The following ATP2A2 variants were observed in gnomAD, a reference collection of about 807,000 sequenced individuals.
ATP2A2 encodes ATPase sarcoplasmic/endoplasmic reticulum Ca2+ transporting 2, also known as sarcoplasmic/endoplasmic reticulum calcium ATPase 2.
ATP2A2 carries 14 observed loss-of-function variants against 109.3 expected under a neutral mutation model. That is an observed-to-expected ratio of 0.13 (90% CI 0.08 to 0.20). The LOEUF (loss-of-function observed/expected upper bound fraction) is 0.20, where lower values mean the gene tolerates loss of function less well. ATP2A2 is among the 10% of genes least tolerant of loss of function. ATP2A2 has a pLI of 1.00. For synonymous variants in ATP2A2, 506 were observed against 490.9 expected (o/e 1.03, Z -0.41); for missense variants, 657 against 1,321.6 (o/e 0.50, Z 7.80).
At chr12:110,282,045 GC>G (rs1399027836) in intron 1 of ATP2A2, 138 bp downstream of exon 1, 16 of 597,556 alleles carry the variant, frequency 2.7e-5, no homozygotes, top group Non-Finnish European at 4.3e-5. Flanking sequence ...CAGCGCGCCG[GC>G]CCCGCGGGAG....
chr12:110,349,939 C>G lies in ATP2A2; in HGVS notation c.*3469C>G. On this transcript the variant is annotated 3_prime_UTR_variant, in exon 20 of 20. Transcript: ENST00000539276. ...GTGCTGCTACTGGCTGCTCACTTCT[C>G]CATCAACCTCACCCTCTGCACCACT... 8.5e-7 allele frequency: 1 copy of G among 1,179,880 alleles called. No individual in the cohort carries two copies. Among genetic ancestry groups the G allele is most frequent in the Non-Finnish European group, 1.1e-6 (1 of 946,000 alleles). The allele number at this position is 1,179,880 out of a possible 1,614,324, so 73.1% of individuals were successfully genotyped here. A position where few individuals can be genotyped will look rare whatever the true frequency, so the allele number is the denominator to read the frequency against.
At chr12:110,335,768 C>T (rs1306065501) in intron 11 of ATP2A2, among the ~76,000 whole-genome samples, 2 of 152,186 alleles carry the variant, frequency 1.3e-5, no homozygotes, top group Non-Finnish European at 2.9e-5. Context: ...GTGATGCTCT[C>T]AGAGCAGCCA....
Position 110,339,797 on chromosome 12 carries a change from G to A in ATP2A2, c.1761+76G>A. ...TTAAACAGTACTCCTTCAAGCAAAAGGTCAAACAGTTCTCACTTTTGCCAA... is the reference window on the plus strand; with the variant it reads ...TTAAACAGTACTCCTTCAAGCAAAAAGTCAAACAGTTCTCACTTTTGCCAA... On this transcript the variant is annotated intron_variant, in intron 13 of 19. Coordinates refer to ENST00000539276, the MANE Select transcript of ATP2A2 (RefSeq NM_170665.4). The surrounding 1 kb of genome is among the most constrained non-coding windows in gnomAD (Gnocchi z 4.4). The A allele has an allele frequency of 6.8e-7, 1 of 1,473,008 alleles. No homozygotes were observed. The highest frequency in any genetic ancestry group is 1.2e-5 in the South Asian group (1 of 85,402). 91.2% of individuals were successfully genotyped at this position (1,473,008 alleles called of 1,614,324 possible). A position where few individuals can be genotyped will look rare whatever the true frequency, so the allele number is the denominator to read the frequency against.
chr12:110,281,645 C>G lies in ATP2A2; in HGVS notation c.-145C>G. 1 of 458,020 alleles carries G rather than the reference C, an allele frequency of 2.2e-6. No homozygotes were observed. 28.4% of individuals were successfully genotyped at this position (458,020 alleles called of 1,614,324 possible). A position where few individuals can be genotyped will look rare whatever the true frequency, so the allele number is the denominator to read the frequency against. On this transcript the variant is annotated 5_prime_UTR_variant, in exon 1 of 20. Transcript: ENST00000539276. Reference sequence around the variant, plus strand: ...GGGCGCGGGGTGATTCAGCGCCCGGCGAGGCGGAAGCGGCCGCAAGAGGAG... The same window carrying G: ...GGGCGCGGGGTGATTCAGCGCCCGGGGAGGCGGAAGCGGCCGCAAGAGGAG...
At chr12:110,285,272 G>A (rs1872550580) in intron 3 of ATP2A2, among the ~76,000 whole-genome samples, 1 of 152,096 alleles carries the variant, frequency 6.6e-6, no homozygotes, top group Non-Finnish European at 1.5e-5. Context: ...ACGGTCACTT[G>A]GATTGAAAGA....
rs1221928553 is a variant in ATP2A2, at chr12:110,343,383, A to G, written c.2470A>G (p.Lys824Glu). Residue 824 changes from lysine (K) to glutamate (E), a missense_variant, in exon 16 of 20, where the codon AAG becomes GAG. Transcript: ENST00000539276. Reference sequence around the variant, plus strand: ...CATGAATAAACCTCCCCGGAACCCAAAGGAACCATTGATCAGCGGGTGGCT... The same window carrying G: ...CATGAATAAACCTCCCCGGAACCCAGAGGAACCATTGATCAGCGGGTGGCT... ...DIMNKPPRNP[K>E]EPLISGWLFF... 1.1e-5 allele frequency: 18 copies of G among 1,614,222 alleles called. No individual in the cohort carries two copies. Among genetic ancestry groups the G allele is most frequent in the Non-Finnish European group, 1.5e-5 (18 of 1,180,044 alleles).
intron 8 of ATP2A2, among the ~76,000 whole-genome samples, chr12:110,328,458 A>C (rs571987504): frequency 1.3e-5 from 2 of 152,206 alleles, no homozygotes; most frequent in East Asian, 3.9e-4. Flanking sequence ...AGTCCCAGCT[A>C]CTCGAGAGGC....
intron 6 of ATP2A2, 47 bp from the exon 7 acceptor site, chr12:110,326,343 G>C (rs1019545890): frequency 6.5e-7 from 1 of 1,527,300 alleles, no homozygotes; most frequent in Non-Finnish European, 9.0e-7. Context: ...CTAGGTTCTT[G>C]GTGTGGGTCG....
chr12:110,302,967 A>G (rs1874845264), intron 5 of ATP2A2, among the ~76,000 whole-genome samples: 1 of 152,216 alleles, frequency 6.6e-6, no homozygotes, highest in South Asian at 2.1e-4. Context: ...TTCGTCTTAA[A>G]TTGTGACCTT....
At chr12:110,335,922 G>A (rs1592854842) in intron 11 of ATP2A2, among the ~76,000 whole-genome samples, 1 of 152,226 alleles carries the variant, frequency 6.6e-6, no homozygotes, top group East Asian at 1.9e-4. Context: ...ATGGCAGACA[G>A]GGTGATTGCT....
At chr12:110,335,131 T>C (rs886401659) in intron 11 of ATP2A2, among the ~76,000 whole-genome samples, 3 of 151,996 alleles carry the variant, frequency 2.0e-5, no homozygotes, top group African/African-American at 7.3e-5. Flanking sequence ...CCACAGTGAG[T>C]TGGACCTGAG....
chr12:110,350,650 C>T lies in ATP2A2; in HGVS notation c.*4180C>T. ...CACATTTCTCTGCAAAATGTCATAG[C>T]TTATATAAATGTACAGTATTCAATT... On this transcript the variant is annotated 3_prime_UTR_variant, in exon 20 of 20. Coordinates refer to ENST00000539276, the MANE Select transcript of ATP2A2 (RefSeq NM_170665.4). The T allele has an allele frequency of 2.5e-6, 1 of 398,020 alleles. No homozygotes were observed. The highest frequency in any genetic ancestry group is 4.6e-6 in the Non-Finnish European group (1 of 215,528). The allele number at this position is 398,020 out of a possible 1,614,324, so 24.7% of individuals were successfully genotyped here. A position where few individuals can be genotyped will look rare whatever the true frequency, so the allele number is the denominator to read the frequency against.
intron 8 of ATP2A2, 29 bp from the exon 9 acceptor site, chr12:110,332,568 A>AAT: frequency 6.4e-7 from 1 of 1,561,094 alleles, no homozygotes; most frequent in South Asian, 1.1e-5. Context: ...AATCCCTTTT[A>AAT]AATACTCTGA....
At chr12:110,337,500 C>A (rs919605583) in intron 11 of ATP2A2, among the ~76,000 whole-genome samples, 1 of 152,244 alleles carries the variant, frequency 6.6e-6, no homozygotes, top group Non-Finnish European at 1.5e-5. Flanking sequence ...CAGAATCTAG[C>A]GTAGCACTCA....
intron 5 of ATP2A2, among the ~76,000 whole-genome samples, chr12:110,300,987 TTC>T (rs2137734531): frequency 6.6e-6 from 1 of 152,248 alleles, no homozygotes; most frequent in East Asian, 1.9e-4. Flanking sequence ...GTGTATGAGA[TTC>T]TGTTTGATTT....
chr12:110,349,762 A>G lies in ATP2A2; in HGVS notation c.*3292A>G. The G allele has an allele frequency of 9.8e-7, 1 of 1,016,000 alleles. No individual in the cohort carries two copies. The highest frequency in any genetic ancestry group is 1.2e-6 in the Non-Finnish European group (1 of 847,250). 62.9% of individuals were successfully genotyped at this position (1,016,000 alleles called of 1,614,324 possible). A position where few individuals can be genotyped will look rare whatever the true frequency, so the allele number is the denominator to read the frequency against. On this transcript the variant is annotated 3_prime_UTR_variant, in exon 20 of 20. Coordinates refer to ENST00000539276, the MANE Select transcript of ATP2A2 (RefSeq NM_170665.4). ...AGTTGCCCTGTGACTGTAACCACCAAATTGTCCAAACACCCGCTGCAGTTA... is the reference window on the plus strand; with the variant it reads ...AGTTGCCCTGTGACTGTAACCACCAGATTGTCCAAACACCCGCTGCAGTTA...
chr12:110,346,830 ATG>A lies in ATP2A2; in HGVS notation c.*367_*368del, dbSNP rs1322982849. ...ATTGGCAGCAGATTTTAGGAAATGA[ATG>A]TGTGTGGTTTTTTTTCTAAAACTAA... is the stretch of plus-strand genomic sequence containing the variant. On this transcript the variant is annotated 3_prime_UTR_variant, in exon 20 of 20. Transcript: ENST00000539276. The A allele has an allele frequency of 4.0e-5, 45 of 1,130,602 alleles. No homozygotes were observed. The highest frequency in any genetic ancestry group is 3.9e-4 in the South Asian group (18 of 46,270). 70.0% of individuals were successfully genotyped at this position (1,130,602 alleles called of 1,614,324 possible).
chr12:110,326,782 A>G (rs1877845165), intron 7 of ATP2A2, among the ~76,000 whole-genome samples: 8 of 152,224 alleles, frequency 5.3e-5, no homozygotes, highest in Admixed American at 2.6e-4. Context: ...TTTCAAAATG[A>G]TGTAGATGAC....
In ATP2A2 at chr12:110,350,470, A is replaced by T; in HGVS notation, c.*4000A>T. On this transcript the variant is annotated 3_prime_UTR_variant, in exon 20 of 20. Transcript: ENST00000539276. The stretch of plus-strand genomic sequence containing the variant: ...TTATGTGGAGGAAATGTGTATTACC[A>T]ATGGGGTTGTTAGCTTTTAAATCAA... 1 of 1,071,798 alleles carries T rather than the reference A, an allele frequency of 9.3e-7. No homozygotes were observed. Among genetic ancestry groups the T allele is most frequent in the Non-Finnish European group, 1.4e-6 (1 of 720,312 alleles). 66.4% of individuals were successfully genotyped at this position (1,071,798 alleles called of 1,614,324 possible). A position where few individuals can be genotyped will look rare whatever the true frequency, so the allele number is the denominator to read the frequency against.
Sources: gnomAD v4.1 joint callset for allele counts (sites outside exome capture counted in the v4.1 genomes callset) on GRCh38, gnomAD v4.1.1 for gene constraint, Gnocchi (gnomAD v3.1) non-coding constraint, MANE v1.5 for transcripts, NCBI Gene and HGNC (gene_info 2026-07-23, HGNC 2026-07-21) for gene names.